Variants in DDR2 observed in about 807,000 individuals in gnomAD.
The protein encoded by DDR2 is discoidin domain receptor tyrosine kinase 2.
A neutral mutation model predicts 94.9 loss-of-function variants in DDR2; 27 were observed. The observed-to-expected ratio is 0.28, with a 90% CI of 0.21 to 0.39. DDR2 has a LOEUF of 0.39. Ranked by LOEUF, DDR2 falls within the 10% of genes least tolerant of loss-of-function variation. The pLI is 1.00. For synonymous variants in DDR2, 382 were observed against 377.2 expected, an observed-to-expected ratio of 1.01 and a Z score of -0.15; for missense variants, 783 against 1,076.0, an observed-to-expected ratio of 0.73 and a Z score of 3.81.
intron 2 of DDR2, among the ~76,000 whole-genome samples, chr1:162,675,729 G>T (rs1005774907): frequency 1.3e-5 from 2 of 152,294 alleles, no homozygotes; most frequent in African/African-American, 4.8e-5. Context: ...AGTGGTCAAT[G>T]AAGTTTTATT....
chr1:162,733,313 CAGA>C (rs1662148702), intron 3 of DDR2, among the ~76,000 whole-genome samples: 1 of 152,186 alleles, frequency 6.6e-6, no homozygotes, highest in South Asian at 2.1e-4. Flanking sequence ...ATCCCTTCCA[CAGA>C]AGGAGTTTAC....
Position 162,786,502 on chromosome 1 carries a change from CTT to C in DDR2, c.*6258_*6259del, listed in dbSNP as rs1558088305. On this transcript the variant is annotated 3_prime_UTR_variant, in exon 18 of 18. Coordinates refer to ENST00000367921, the MANE Select transcript of DDR2 (RefSeq NM_006182.4). Reference sequence around the variant, plus strand: ...TGATACCAATTGTATATTTTCTTTTCTTTATTTATTCTCTGTAAGTCTGTCAG... The same window carrying C: ...TGATACCAATTGTATATTTTCTTTTCTATTTATTCTCTGTAAGTCTGTCAG... 6.6e-6 allele frequency: 1 copy of C among 152,196 alleles called. No homozygotes were observed. Among genetic ancestry groups the C allele is most frequent in the East Asian group, 1.9e-4 (1 of 5,184 alleles). The allele number at this position is 152,196 out of a possible 1,614,324, so 9.4% of individuals were successfully genotyped here.
In DDR2 at chr1:162,782,508, C is replaced by T. The variant is rs976371093; in HGVS notation, c.*2262C>T. On this transcript the variant is annotated 3_prime_UTR_variant, in exon 18 of 18. Transcript: ENST00000367921. ...ACTAGATACCTTGGGACCTGCCACACTCCACTTTCAAGATATGTATTAGCT... is the reference window on the plus strand; with the variant it reads ...ACTAGATACCTTGGGACCTGCCACATTCCACTTTCAAGATATGTATTAGCT... 45 of 152,132 alleles carry T rather than the reference C, an allele frequency of 3.0e-4. No homozygotes were observed. The highest frequency in any genetic ancestry group is 3.1e-4 in the African/African-American group (13 of 41,432). The allele number at this position is 152,132 out of a possible 1,614,324, so 9.4% of individuals were successfully genotyped here. A position where few individuals can be genotyped will look rare whatever the true frequency, so the allele number is the denominator to read the frequency against.
intron 2 of DDR2, among the ~76,000 whole-genome samples, chr1:162,681,754 C>T (rs1054194803): frequency 1.3e-5 from 2 of 152,072 alleles, no homozygotes; most frequent in African/African-American, 2.4e-5. Context: ...ATCTAATCAC[C>T]CCACAAAGGC....
At position 162,784,123 on chromosome 1, in the gene DDR2, CAT is replaced by C. The variant is rs1443332892; in HGVS notation, c.*3878_*3879del. On this transcript the variant is annotated 3_prime_UTR_variant, in exon 18 of 18. Transcript: ENST00000367921. ...AAACAGATATGCACCATGTTGGAAA[CAT>C]GTGTTTTCCTAGTCCCATCCAGGCT... The C allele has an allele frequency of 2.0e-5, 3 of 152,118 alleles. No individual in the cohort carries two copies. Among genetic ancestry groups the C allele is most frequent in the Non-Finnish European group, 2.9e-5 (2 of 68,016 alleles). 9.4% of individuals were successfully genotyped at this position (152,118 alleles called of 1,614,324 possible).
intron 3 of DDR2, among the ~76,000 whole-genome samples, chr1:162,734,784 G>A (rs10047159): frequency 0.02 from 3,032 of 152,254 alleles, 82 homozygotes; most frequent in African/African-American, 0.059. Context: ...CAGAGATGAG[G>A]CCAGAGAGTA....
At chr1:162,704,450 T>C (rs1355972524) in intron 2 of DDR2, among the ~76,000 whole-genome samples, 1 of 152,152 alleles carries the variant, frequency 6.6e-6, no homozygotes, top group Non-Finnish European at 1.5e-5. Context: ...CAAATAACTA[T>C]CTACTCTACC....
intron 3 of DDR2, among the ~76,000 whole-genome samples, chr1:162,719,516 CTG>C (rs1661321568): frequency 6.6e-6 from 1 of 152,064 alleles, no homozygotes; most frequent in African/African-American, 2.4e-5. Context: ...TTGTTTTGGG[CTG>C]TCTTAGACTT....
At chr1:162,680,295 A>G (rs1659340911) in intron 2 of DDR2, among the ~76,000 whole-genome samples, 1 of 152,076 alleles carries the variant, frequency 6.6e-6, no homozygotes, top group Non-Finnish European at 1.5e-5. Context: ...ATCCATCTTG[A>G]GTTGATTTTC....
At chr1:162,767,052 CAGT>C (rs1167383631) in intron 10 of DDR2, among the ~76,000 whole-genome samples, 174 bp from the exon 11 acceptor site, 2 of 28,148 alleles carry the variant, frequency 7.1e-5, no homozygotes, top group East Asian at 2.5e-3. Flanking sequence ...AGTAATAAAA[CAGT>C]AGCAAGAAAA....
chr1:162,684,812 A>AACACAC (rs56958157), intron 2 of DDR2, among the ~76,000 whole-genome samples: 3,635 of 137,978 alleles, frequency 0.026, 62 homozygotes, highest in Admixed American at 0.053. Context: ...CACACCCACC[A>AACACAC]ACACACACAC....
intron 2 of DDR2, among the ~76,000 whole-genome samples, chr1:162,696,805 C>G (rs1418310980): frequency 6.6e-6 from 1 of 152,114 alleles, no homozygotes; most frequent in African/African-American, 2.4e-5. Context: ...TTCCCTGCCC[C>G]CGCTGTCTGC....
intron 1 of DDR2, among the ~76,000 whole-genome samples, chr1:162,634,994 C>T (rs1656743810): frequency 6.6e-6 from 1 of 152,138 alleles, no homozygotes; most frequent in African/African-American, 2.4e-5. Flanking sequence ...AGCCAGCCTG[C>T]AGTGGGGAGG....
At chr1:162,745,686 G>A (rs1251741197) in intron 3 of DDR2, among the ~76,000 whole-genome samples, 2 of 151,930 alleles carry the variant, frequency 1.3e-5, no homozygotes, top group African/African-American at 4.8e-5. Flanking sequence ...CTATATGTCT[G>A]TTTTTTCAGG....
chr1:162,704,788 C>T lies in DDR2; in HGVS notation c.-27-14249C>T, dbSNP rs142466649. Among the ~76,000 whole-genome samples, 437 of 152,288 alleles carry T rather than the reference C, an allele frequency of 2.9e-3. 2 individuals carry two copies. The highest frequency in any genetic ancestry group is 9.7e-3 in the African/African-American group (402 of 41,546). On this transcript the variant is annotated intron_variant, in intron 2 of 17. Coordinates refer to ENST00000367921, the MANE Select transcript of DDR2 (RefSeq NM_006182.4). ...TTTCAATATAGGAATTTTGGGGGAA[C>T]ACACACATCCAGTCTATAGCACTAT...
At chr1:162,646,732 G>A (rs1046162557) in intron 1 of DDR2, among the ~76,000 whole-genome samples, 1 of 152,094 alleles carries the variant, frequency 6.6e-6, no homozygotes, top group Non-Finnish European at 1.5e-5. Context: ...TCTTTAATAT[G>A]CATCAGAATC....
At chr1:162,746,856 G>C (rs900230971) in intron 3 of DDR2, among the ~76,000 whole-genome samples, 1 of 152,084 alleles carries the variant, frequency 6.6e-6, no homozygotes, top group East Asian at 1.9e-4. Flanking sequence ...GCCTGCACTG[G>C]TGATACCCAG....
Position 162,773,413 on chromosome 1 carries a change from T to C in DDR2, c.1729-56T>C, listed in dbSNP as rs558095264. 345 of 1,608,166 alleles carry C rather than the reference T, an allele frequency of 2.1e-4. 2 individuals carry two copies. The African/African-American group carries it at 4.3e-3, about 20-fold the overall frequency. On this transcript the variant is annotated intron_variant, in intron 13 of 17. Coordinates refer to ENST00000367921, the MANE Select transcript of DDR2 (RefSeq NM_006182.4). The stretch of plus-strand genomic sequence containing the variant: ...ATCTCCAGGAAATGCCCAGCAAGAG[T>C]ACTGAGACATCTTCAGGAGAAATGA...
intron 2 of DDR2, among the ~76,000 whole-genome samples, chr1:162,681,553 T>A (rs1432658153): frequency 1.3e-5 from 2 of 152,188 alleles, no homozygotes; most frequent in Non-Finnish European, 2.9e-5. Context: ...GAAATTTATT[T>A]TTCACAATTC....
Sources: gnomAD v4.1 joint callset for allele counts (sites outside exome capture counted in the v4.1 genomes callset) on GRCh38, gnomAD v4.1.1 for gene constraint, MANE v1.5 for transcripts, NCBI Gene and HGNC (gene_info 2026-07-23, HGNC 2026-07-21) for gene names.